TG: variants seen among roughly 807,000 people sequenced by gnomAD.
TG encodes the protein thyroglobulin.
Under a neutral mutation model 324.7 loss-of-function variants are expected in TG, and 270 were observed. The observed-to-expected ratio is 0.83, with a 90% confidence interval of 0.75 to 0.92. The LOEUF is 0.92. TG is among the 40% of genes least tolerant of loss of function. The pLI is 0.00. For missense variants in TG, 3,591 were observed against 3,456.4 expected, an observed-to-expected ratio of 1.04 and a Z score of -0.98; for synonymous variants, 1,401 against 1,327.0, an observed-to-expected ratio of 1.06 and a Z score of -1.21.
intron 41 of TG, among the ~76,000 whole-genome samples, chr8:133,091,210 G>A (rs1036450278): frequency 1.3e-5 from 2 of 152,224 alleles, no homozygotes; most frequent in Non-Finnish European, 2.9e-5. Flanking sequence ...GGGCTTTGTA[G>A]GAATTAACTC....
intron 41 of TG, among the ~76,000 whole-genome samples, chr8:133,079,903 A>G (rs1330125050): frequency 1.3e-5 from 2 of 151,824 alleles, no homozygotes; most frequent in East Asian, 1.9e-4. Context: ...GATCGCATAC[A>G]AGATAGAAGT....
chr8:133,088,031 A>G (rs1846882571), intron 41 of TG, among the ~76,000 whole-genome samples: 1 of 152,224 alleles, frequency 6.6e-6, no homozygotes, highest in Admixed American at 6.5e-5. Flanking sequence ...GGTTTCAATA[A>G]TATTGGTTCT....
At chr8:132,953,551 A>G (rs1826410719) in intron 27 of TG, among the ~76,000 whole-genome samples, 1 of 152,190 alleles carries the variant, frequency 6.6e-6, no homozygotes, top group Non-Finnish European at 1.5e-5. Flanking sequence ...GTCACTTGCC[A>G]CACAGAAGTT....
chr8:132,966,030 G>A (rs1214618384), intron 29 of TG, among the ~76,000 whole-genome samples: 1 of 152,238 alleles, frequency 6.6e-6, no homozygotes. Flanking sequence ...AAGTGGAGCT[G>A]AAAGCTGACT....
At chr8:132,896,741 T>A (rs779533221) in intron 11 of TG, among the ~76,000 whole-genome samples, 2 of 152,084 alleles carry the variant, frequency 1.3e-5, no homozygotes, top group African/African-American at 4.8e-5. Context: ...ATTTCTTGAG[T>A]GCCTACTATG....
intron 41 of TG, among the ~76,000 whole-genome samples, chr8:133,092,904 G>C (rs986956070): frequency 9.2e-5 from 14 of 152,200 alleles, no homozygotes; most frequent in African/African-American, 7.2e-5. Context: ...CATTCTCTTA[G>C]CCATCTTGCA....
Position 133,012,002 on chromosome 8 carries a change from A to G in TG, c.6364A>G (p.Asn2122Asp). 5.6e-6 allele frequency: 9 copies of G among 1,614,174 alleles called. No homozygotes were observed. Among genetic ancestry groups the G allele is most frequent in the Non-Finnish European group, 7.6e-6 (9 of 1,180,026 alleles). The change falls in exon 36 of 48, where the codon AAT becomes GAT. Residue 2122 changes from asparagine to aspartate, a missense_variant. By Grantham distance (23) the Asn-to-Asp change is conservative. Coordinates refer to ENST00000220616, the MANE Select transcript of TG (RefSeq NM_003235.5). The stretch of plus-strand genomic sequence containing the variant: ...CCATGTCAGCACTGCTGCCACCAGC[A>G]ATTTCTCTGCTGTCCGAGACCTCTG... ...VAHVSTAATS[N>D]FSAVRDLCLS...
At chr8:133,045,245 C>T (rs573540061) in intron 41 of TG, 5 of 841,184 alleles carry the variant, frequency 5.9e-6, no homozygotes, top group South Asian at 1.6e-5. Context: ...TGCTAGGATG[C>T]AGCCCCTCCC....
rs369815566 is a variant in TG, at chr8:133,030,041, T to C, written c.7239+18T>C. ...TGCTGATGGTAAGTGGTGTGTGTTC[T>C]ACCTTCAGTCTTACTGCAGATGCGG... On this transcript the variant is annotated intron_variant, in intron 41 of 47. Transcript: ENST00000220616. 434 of 1,614,058 alleles carry C rather than the reference T, an allele frequency of 2.7e-4. No homozygotes were observed. Among genetic ancestry groups the C allele is most frequent in the Non-Finnish European group, 3.5e-4 (410 of 1,179,994 alleles).
At chr8:132,985,675 T>G (rs996908302) in intron 35 of TG, among the ~76,000 whole-genome samples, 8 of 152,184 alleles carry the variant, frequency 5.3e-5, no homozygotes, top group Admixed American at 2.0e-4. Flanking sequence ...ACACAATCCC[T>G]GCTGTACCCC....
At chr8:133,087,871 G>T (rs1426065706) in intron 41 of TG, 1 of 152,180 alleles carries the variant, frequency 6.6e-6, no homozygotes. Flanking sequence ...CATGGGAAAT[G>T]AAAACCTGGG....
chr8:132,923,192 A>G lies in TG; in HGVS notation c.4529-146A>G. 5.4e-6 allele frequency: 5 copies of G among 919,110 alleles called. No homozygotes were observed. In the East Asian group the frequency reaches 1.0e-4, roughly 19 times the overall value. 56.9% of individuals were successfully genotyped at this position (919,110 alleles called of 1,614,324 possible). The stretch of plus-strand genomic sequence containing the variant: ...TCACAGGGGCCTTATTGATCAGAAC[A>G]GTGGGAACACTGAAGAGTTTTAAGC... On this transcript the variant is annotated intron_variant, in intron 21 of 47. Coordinates refer to ENST00000220616, the MANE Select transcript of TG (RefSeq NM_003235.5).
intron 2 of TG, 24 bp downstream of exon 2, chr8:132,868,247 C>T: frequency 6.2e-7 from 1 of 1,604,042 alleles, no homozygotes; most frequent in Non-Finnish European, 8.5e-7. Context: ...CAGCAGCGAA[C>T]TCTCAAGGTC....
intron 43 of TG, 139 bp from the exon 44 acceptor site, chr8:133,113,283 A>G: frequency 1.1e-6 from 1 of 931,734 alleles, no homozygotes; most frequent in Non-Finnish European, 1.7e-6. Context: ...TCGAACTCAG[A>G]CAGTCTGGCT....
Position 133,042,678 on chromosome 8 carries a change from C to CCTTTTTTTTTTTT in TG, c.7239+12655_7239+12656insCTTTTTTTTTTTT, listed in dbSNP as rs1554706932. Among the ~76,000 whole-genome samples the CCTTTTTTTTTTTT allele has an allele frequency of 1.4e-3, 79 of 56,772 alleles. 11 individuals carry two copies. The highest frequency in any genetic ancestry group is 4.8e-3 in the East Asian group (11 of 2,280). 37.2% of individuals were successfully genotyped at this position (56,772 alleles called of 152,430 possible). On this transcript the variant is annotated intron_variant, in intron 41 of 47. Transcript: ENST00000220616. The stretch of plus-strand genomic sequence containing the variant: ...GTGCACAATTCCTCTCATTCTGTGT[C>CCTTTTTTTTTTTT]TTTTTTTTTTTTTTTTTTTTTTTTT...
At chr8:132,970,750 C>T (rs145092740) in intron 32 of TG, among the ~76,000 whole-genome samples, 107 of 152,226 alleles carry the variant, frequency 7.0e-4, no homozygotes, top group African/African-American at 2.4e-3. Context: ...GTAGATTGTG[C>T]GTCTGGACTC....
intron 14 of TG, 148 bp downstream of exon 14, chr8:132,899,058 T>G: frequency 1.3e-6 from 1 of 741,630 alleles, no homozygotes; most frequent in Non-Finnish European, 2.4e-6. Context: ...TAGAACCTGG[T>G]TCTGTGACCT....
chr8:133,110,752 G>T (rs1564201717), intron 43 of TG, among the ~76,000 whole-genome samples: 1 of 152,224 alleles, frequency 6.6e-6, no homozygotes, highest in Non-Finnish European at 1.5e-5. Flanking sequence ...CTGAGGATTA[G>T]AGAGGCTAAG....
At chr8:132,911,702 A>G (rs537984016) in intron 19 of TG, among the ~76,000 whole-genome samples, 169 bp downstream of exon 19, 12 of 152,304 alleles carry the variant, frequency 7.9e-5, no homozygotes, top group East Asian at 1.9e-4. Flanking sequence ...CTTCTTGCCA[A>G]TCGTTTACTA....
Sources: allele counts gnomAD v4.1 joint callset (sites outside exome capture counted in the v4.1 genomes callset), GRCh38; gene constraint gnomAD v4.1.1; transcripts MANE v1.5; gene names NCBI Gene and HGNC (gene_info 2026-07-23, HGNC 2026-07-21).